Variants in DNAH14 observed in about 807,000 individuals in gnomAD.
DNAH14 encodes the protein dynein axonemal heavy chain 14, also known as axonemal beta dynein heavy chain 14.
Under a neutral mutation model 520.9 loss-of-function variants are expected in DNAH14, and 478 were observed. The observed-to-expected ratio is 0.92, with a 90% CI of 0.85 to 0.99. The LOEUF is 0.99. Among genes scored for constraint, DNAH14 ranks in the 50% least tolerant of loss-of-function variants. DNAH14 has a pLI of 0.00. For synonymous variants in DNAH14, 1,581 were observed against 1,757.2 expected, an observed-to-expected ratio of 0.90 and a Z score of 2.51; for missense variants, 4,831 against 5,234.5, an observed-to-expected ratio of 0.92 and a Z score of 2.38.
chr1:224,972,490 G>A (rs1465926573), intron 7 of DNAH14, among the ~76,000 whole-genome samples: 1 of 150,250 alleles, frequency 6.7e-6, no homozygotes, highest in Non-Finnish European at 1.5e-5. Context: ...TTTTGAGATG[G>A]AGTCTTGCTC....
At chr1:225,180,040 CTCTCCTGTCCTT>C (rs1421388116) in intron 36 of DNAH14, among the ~76,000 whole-genome samples, 4 of 152,102 alleles carry the variant, frequency 2.6e-5, no homozygotes, top group Non-Finnish European at 5.9e-5. Flanking sequence ...TTTTAGGATC[CTCTCCTGTCCTT>C]GATCTTTCAG....
At chr1:225,256,208 A>C (rs2092726695) in intron 44 of DNAH14, among the ~76,000 whole-genome samples, 1 of 152,230 alleles carries the variant, frequency 6.6e-6, no homozygotes, top group South Asian at 2.1e-4. Context: ...GTGTAAAAAT[A>C]ATCTTCCACA....
rs111390262 is a variant in DNAH14 at position 225,142,132 on chromosome 1, C to A, written c.4508+1111C>A. 3.9e-3 allele frequency among the ~76,000 whole-genome samples: 587 copies of A among 152,058 alleles called. 5 individuals are homozygous for A. Among genetic ancestry groups the A allele is most frequent in the African/African-American group, 0.013 (555 of 41,490 alleles). On this transcript the variant is annotated intron_variant, in intron 28 of 85. Coordinates refer to ENST00000682510, the MANE Select transcript of DNAH14 (RefSeq NM_001367479.1). ...AAGAGGATATATTGTATTAATGAACCATTACTCTGGAAAAAGTCTAGTGTG... is the reference window on the plus strand; with the variant it reads ...AAGAGGATATATTGTATTAATGAACAATTACTCTGGAAAAAGTCTAGTGTG...
chr1:225,323,437 C>T (rs1261438287), intron 62 of DNAH14, among the ~76,000 whole-genome samples: 3 of 151,746 alleles, frequency 2.0e-5, no homozygotes, highest in African/African-American at 7.3e-5. Context: ...TTTTTCTCTC[C>T]TGATACTAGG....
chr1:225,101,409 T>C (rs914838235), intron 23 of DNAH14, among the ~76,000 whole-genome samples: 1 of 152,122 alleles, frequency 6.6e-6, no homozygotes, highest in Non-Finnish European at 1.5e-5. Flanking sequence ...ATTAAATTAT[T>C]GTTAGGTATG....
chr1:225,373,837 T>C (rs1370394255), intron 77 of DNAH14, among the ~76,000 whole-genome samples: 2 of 151,772 alleles, frequency 1.3e-5, no homozygotes, highest in Non-Finnish European at 2.9e-5. Flanking sequence ...TAAAAGTGTA[T>C]GTCCCAGGGC....
chr1:224,941,469 TG>T (rs939897877), intron 1 of DNAH14, among the ~76,000 whole-genome samples: 11 of 152,236 alleles, frequency 7.2e-5, no homozygotes, highest in African/African-American at 2.4e-4. Flanking sequence ...TTCTGTAGGT[TG>T]CCTGTTGACT....
chr1:225,285,681 A>AC (rs1250006638), intron 54 of DNAH14, among the ~76,000 whole-genome samples: 2 of 151,974 alleles, frequency 1.3e-5, no homozygotes, highest in African/African-American at 4.8e-5. Context: ...ACATAATGAG[A>AC]CCCCCTTCTT....
intron 36 of DNAH14, among the ~76,000 whole-genome samples, chr1:225,170,302 C>T (rs2082478137): frequency 6.6e-6 from 1 of 152,132 alleles, no homozygotes; most frequent in Non-Finnish European, 1.5e-5. Context: ...GCTGAATGCT[C>T]CAATTAAAAG....
intron 17 of DNAH14, among the ~76,000 whole-genome samples, chr1:225,076,715 C>T (rs1027608548): frequency 5.3e-5 from 8 of 152,136 alleles, no homozygotes; most frequent in African/African-American, 1.4e-4. Context: ...CATCCTCTTT[C>T]TGGCTGCTCT....
At chr1:225,263,168 G>A (rs2092994612) in intron 46 of DNAH14, among the ~76,000 whole-genome samples, 1 of 150,384 alleles carries the variant, frequency 6.6e-6, no homozygotes, top group African/African-American at 2.5e-5. Flanking sequence ...CTAATCATTA[G>A]ACACATATAT....
At chr1:225,269,798 G>T (rs2093255728) in intron 49 of DNAH14, among the ~76,000 whole-genome samples, 1 of 152,168 alleles carries the variant, frequency 6.6e-6, no homozygotes, top group Admixed American at 6.5e-5. Flanking sequence ...AGTTAGAATG[G>T]CGATCATTAA....
chr1:225,275,042 C>A (rs1047229747), intron 52 of DNAH14, among the ~76,000 whole-genome samples: 1 of 152,106 alleles, frequency 6.6e-6, no homozygotes, highest in African/African-American at 2.4e-5. Flanking sequence ...ATGAAGAAAC[C>A]GAGCAGAGTA....
At chr1:225,204,301 T>C in intron 39 of DNAH14, 28 bp downstream of exon 39, 1 of 1,292,640 alleles carries the variant, frequency 7.7e-7, no homozygotes, top group Non-Finnish European at 1.0e-6. Context: ...CAAGAAAGAT[T>C]ATTAATATAG....
chr1:225,309,177 T>G (rs2094306869), intron 60 of DNAH14, among the ~76,000 whole-genome samples: 1 of 152,238 alleles, frequency 6.6e-6, no homozygotes, highest in African/African-American at 2.4e-5. Flanking sequence ...CTTGTTGGCC[T>G]CTTGTCATAC....
At chr1:225,327,283 G>T (rs1244427686) in intron 64 of DNAH14, among the ~76,000 whole-genome samples, 1 of 151,544 alleles carries the variant, frequency 6.6e-6, no homozygotes, top group African/African-American at 2.4e-5. Context: ...TCAGCCTCCC[G>T]AGTAGCTGGG....
chr1:225,276,149 A>G (rs1455172732), intron 53 of DNAH14, 68 bp downstream of exon 53: 1 of 181,054 alleles, frequency 5.5e-6, no homozygotes, highest in Non-Finnish European at 1.3e-5. Flanking sequence ...ATTTTTACAT[A>G]CAAACATCTA....
At chr1:225,341,564 G>A (rs937037208) in intron 69 of DNAH14, among the ~76,000 whole-genome samples, 1 of 152,192 alleles carries the variant, frequency 6.6e-6, no homozygotes, top group East Asian at 1.9e-4. Context: ...TACTTGGGAG[G>A]TTGAGACAGG....
At chr1:225,167,677 A>G (rs1293970136) in intron 35 of DNAH14, among the ~76,000 whole-genome samples, 1 of 152,188 alleles carries the variant, frequency 6.6e-6, no homozygotes, top group African/African-American at 2.4e-5. Context: ...ATGTTAAGCA[A>G]TGGGTTCTTA....
Sources: gnomAD v4.1 joint callset for allele counts (sites outside exome capture counted in the v4.1 genomes callset) on GRCh38, gnomAD v4.1.1 for gene constraint, MANE v1.5 for transcripts, NCBI Gene and HGNC (gene_info 2026-07-23, HGNC 2026-07-21) for gene names.